Variants in PRKAR2B observed in about 807,000 individuals in gnomAD.
PRKAR2B encodes cAMP-dependent protein kinase type II-beta regulatory subunit.
In PRKAR2B, 14 loss-of-function variants were observed where a neutral mutation model predicts 49.9. The ratio of observed to expected loss-of-function variants is 0.28; its 90% CI spans 0.19 to 0.44. The LOEUF (loss-of-function observed/expected upper bound fraction) is 0.44, where lower values mean the gene tolerates loss of function less well. PRKAR2B is among the 20% of genes least tolerant of loss of function. The pLI is 1.00. For missense variants in PRKAR2B, 393 were observed against 537.9 expected (o/e 0.73, Z 2.67); for synonymous variants, 196 against 197.7 (o/e 0.99, Z 0.07).
At chr7:107,058,064 TAA>T (rs11409171) in intron 1 of PRKAR2B, among the ~76,000 whole-genome samples, 8 of 140,314 alleles carry the variant, frequency 5.7e-5, no homozygotes, top group Admixed American at 7.1e-5. Context: ...GAAAAAAAAG[TAA>T]AAAAAAAAAA....
At chr7:107,100,301 T>G (rs1794935463) in intron 2 of PRKAR2B, among the ~76,000 whole-genome samples, 1 of 152,234 alleles carries the variant, frequency 6.6e-6, no homozygotes, top group Non-Finnish European at 1.5e-5. Flanking sequence ...GTTTTTTCTA[T>G]TAGCACTTGG....
chr7:107,093,334 A>G (rs1433801541), intron 2 of PRKAR2B, among the ~76,000 whole-genome samples: 1 of 152,152 alleles, frequency 6.6e-6, no homozygotes, highest in African/African-American at 2.4e-5. Flanking sequence ...CATTCCCACT[A>G]ACAGTTCACA....
chr7:107,063,808 T>C (rs544513325), intron 1 of PRKAR2B, among the ~76,000 whole-genome samples: 1 of 152,226 alleles, frequency 6.6e-6, no homozygotes, highest in Non-Finnish European at 1.5e-5. Context: ...ATTACCCTTC[T>C]CTGGAGCTGT....
intron 6 of PRKAR2B, among the ~76,000 whole-genome samples, chr7:107,148,890 T>G (rs1795938938): frequency 6.6e-6 from 1 of 152,240 alleles, no homozygotes; most frequent in Admixed American, 6.5e-5. Flanking sequence ...GTATTTGAAA[T>G]TCTGGACTTT....
chr7:107,098,429 T>G (rs1010577327), intron 2 of PRKAR2B, among the ~76,000 whole-genome samples: 1 of 152,180 alleles, frequency 6.6e-6, no homozygotes, highest in African/African-American at 2.4e-5. Context: ...TTTGAAGGTT[T>G]TTAGCTTCTT....
At chr7:107,123,181 T>C (rs1054569840) in intron 3 of PRKAR2B, among the ~76,000 whole-genome samples, 3 of 152,204 alleles carry the variant, frequency 2.0e-5, no homozygotes, top group African/African-American at 7.2e-5. Context: ...ATGAGCTGGT[T>C]TAAATTAATA....
intron 1 of PRKAR2B, among the ~76,000 whole-genome samples, chr7:107,068,287 G>T (rs1445355815): frequency 6.6e-6 from 1 of 152,132 alleles, no homozygotes; most frequent in African/African-American, 2.4e-5. Flanking sequence ...CAGGGGGGCA[G>T]AGAATGTCTA....
At chr7:107,133,798 A>G (rs1795645615) in intron 4 of PRKAR2B, 1 of 152,238 alleles carries the variant, frequency 6.6e-6, no homozygotes, top group Non-Finnish European at 1.5e-5. Flanking sequence ...ATTAAAAAAT[A>G]TAAATCAGTA....
chr7:107,131,821 AT>A (rs1380183379), intron 4 of PRKAR2B, among the ~76,000 whole-genome samples: 1 of 152,220 alleles, frequency 6.6e-6, no homozygotes, highest in Non-Finnish European at 1.5e-5. Context: ...CTAGTTTTTT[AT>A]GATACACATT....
chr7:107,071,285 T>C (rs1368522602), intron 2 of PRKAR2B, among the ~76,000 whole-genome samples: 7 of 152,244 alleles, frequency 4.6e-5, no homozygotes. Context: ...TGTGCTATAA[T>C]ATTAAAGACA....
chr7:107,120,693 C>A (rs1258295623), intron 2 of PRKAR2B, among the ~76,000 whole-genome samples: 1 of 152,060 alleles, frequency 6.6e-6, no homozygotes, highest in Non-Finnish European at 1.5e-5. Flanking sequence ...AGTGATACTT[C>A]TGTGATGTTT....
At chr7:107,153,319 T>C (rs1562873106) in intron 8 of PRKAR2B, 68 bp downstream of exon 8, 1 of 1,128,406 alleles carries the variant, frequency 8.9e-7, no homozygotes, top group East Asian at 2.5e-5. Flanking sequence ...TGGTAGATCT[T>C]GATAAACTTT....
chr7:107,126,601 C>CT (rs1246562022), intron 3 of PRKAR2B, among the ~76,000 whole-genome samples: 1 of 152,040 alleles, frequency 6.6e-6, no homozygotes, highest in Admixed American at 6.5e-5. Flanking sequence ...GCACTCTCCT[C>CT]TCCCCCCTTT....
chr7:107,157,745 G>T (rs1349188249), intron 10 of PRKAR2B, among the ~76,000 whole-genome samples: 1 of 152,202 alleles, frequency 6.6e-6, no homozygotes, highest in Non-Finnish European at 1.5e-5. Flanking sequence ...GGGACACAAA[G>T]GTTCAGGTTT....
chr7:107,110,473 G>C (rs1157426844), intron 2 of PRKAR2B, among the ~76,000 whole-genome samples: 1 of 151,814 alleles, frequency 6.6e-6, no homozygotes, highest in African/African-American at 2.4e-5. Flanking sequence ...ACAACCCCAG[G>C]CTTCATAGCT....
intron 2 of PRKAR2B, among the ~76,000 whole-genome samples, chr7:107,113,063 A>G (rs553325743): frequency 7.2e-5 from 11 of 152,268 alleles, no homozygotes; most frequent in African/African-American, 2.2e-4. Flanking sequence ...TATATTAATA[A>G]ATTGGGAAGG....
chr7:107,144,351 T>G (rs1584451506), intron 5 of PRKAR2B, among the ~76,000 whole-genome samples: 1 of 152,032 alleles, frequency 6.6e-6, no homozygotes, highest in East Asian at 1.9e-4. Flanking sequence ...CTCCTAAAGT[T>G]CTGGGATTAC....
At chr7:107,047,116 A>G (rs190626965) in intron 1 of PRKAR2B, among the ~76,000 whole-genome samples, 6 of 152,242 alleles carry the variant, frequency 3.9e-5, no homozygotes, top group South Asian at 2.1e-4. Flanking sequence ...CAATTGCACT[A>G]TTTACTCCCT....
In PRKAR2B at chr7:107,155,080, C is replaced by T. The variant is rs555743417; in HGVS notation, c.918+1829C>T. 2.8e-4 allele frequency among the ~76,000 whole-genome samples: 42 copies of T among 152,290 alleles called. 1 individual carries two copies. The highest frequency in any genetic ancestry group is 7.7e-4 in the African/African-American group (32 of 41,572). On this transcript the variant is annotated intron_variant, in intron 8 of 10. Transcript: ENST00000265717. ...CAGGGTGCATGTCTCGGCACTTCCT[C>T]AGGAGCACAGGATCCGCAGACATGT...
Sources: gnomAD v4.1 joint callset for allele counts (sites outside exome capture counted in the v4.1 genomes callset) on GRCh38, gnomAD v4.1.1 for gene constraint, MANE v1.5 for transcripts, NCBI Gene and HGNC (gene_info 2026-07-23, HGNC 2026-07-21) for gene names.